FRAS1: variants seen among roughly 807,000 people sequenced by gnomAD.
The protein encoded by FRAS1 is extracellular matrix organizing protein FRAS1.
Under a neutral mutation model 435.2 loss-of-function variants are expected in FRAS1, and 290 were observed. That is an observed-to-expected ratio of 0.67 (90% confidence interval 0.61 to 0.73). FRAS1 has a LOEUF of 0.73. FRAS1 is among the 30% of genes least tolerant of loss of function. FRAS1 has a pLI of 0.00. For synonymous variants in FRAS1, 1,800 were observed against 1,851.0 expected, an observed-to-expected ratio of 0.97 and a Z score of 0.71; for missense variants, 4,860 against 5,001.5, an observed-to-expected ratio of 0.97 and a Z score of 0.85.
intron 14 of FRAS1, among the ~76,000 whole-genome samples, chr4:78,290,683 C>G (rs541335632): frequency 1.1e-4 from 17 of 152,102 alleles, no homozygotes; most frequent in South Asian, 4.1e-4. Flanking sequence ...CTCCTGACCT[C>G]AAGTGATCTG....
intron 47 of FRAS1, among the ~76,000 whole-genome samples, chr4:78,461,207 G>A (rs1719359962): frequency 6.6e-6 from 1 of 152,168 alleles, no homozygotes; most frequent in South Asian, 2.1e-4. Context: ...GTAAGTCTAT[G>A]AATGATTTTT....
At chr4:78,428,588 G>T (rs1734086758) in intron 35 of FRAS1, among the ~76,000 whole-genome samples, 1 of 152,204 alleles carries the variant, frequency 6.6e-6, no homozygotes, top group Admixed American at 6.5e-5. Context: ...CTCCCAGAGT[G>T]CTGGGATTAC....
At chr4:78,247,297 A>G (rs1725289000) in intron 4 of FRAS1, among the ~76,000 whole-genome samples, 1 of 152,142 alleles carries the variant, frequency 6.6e-6, no homozygotes, top group South Asian at 2.1e-4. Context: ...TTGCTTTTCC[A>G]TATGTGTCTT....
chr4:78,129,107 G>A (rs186567124), intron 2 of FRAS1, among the ~76,000 whole-genome samples: 179 of 152,190 alleles, frequency 1.2e-3, no homozygotes, highest in Middle Eastern at 6.8e-3. Flanking sequence ...CTATTCCATC[G>A]GTCTATATCT....
intron 29 of FRAS1, among the ~76,000 whole-genome samples, chr4:78,394,128 T>C (rs1266788357): frequency 6.6e-6 from 1 of 151,942 alleles, no homozygotes; most frequent in Non-Finnish European, 1.5e-5. Flanking sequence ...TATGAGATAT[T>C]GGTTTTGCAA....
chr4:78,067,828 G>A (rs886756098), intron 2 of FRAS1, among the ~76,000 whole-genome samples: 1 of 149,646 alleles, frequency 6.7e-6, no homozygotes, highest in Admixed American at 6.7e-5. Flanking sequence ...CAAGTAGATG[G>A]GACTACAGCT....
At chr4:78,400,942 T>C in intron 30 of FRAS1, 55 bp downstream of exon 30, 1 of 1,567,522 alleles carries the variant, frequency 6.4e-7, no homozygotes. Context: ...AGTCTAGGGT[T>C]TGCTACTGTA....
At position 78,057,796 on chromosome 4, in the gene FRAS1, T is replaced by C; in HGVS notation, c.-214T>C. 1 of 560,580 alleles carries C rather than the reference T, an allele frequency of 1.8e-6. No homozygotes were observed. The highest frequency in any genetic ancestry group is 2.5e-5 in the South Asian group (1 of 39,768). The allele number at this position is 560,580 out of a possible 1,614,324, so 34.7% of individuals were successfully genotyped here. ...GGGGGAACTCGGCGCGCTCTCTGCC[T>C]GAGCAGCGAGTGAATTGAACCCCAG... On this transcript the variant is annotated 5_prime_UTR_variant, in exon 1 of 74. Transcript: ENST00000512123. The surrounding 1 kb of genome is among the most constrained non-coding windows in gnomAD (Gnocchi z 4.2).
At chr4:78,142,275 A>G (rs185993864) in intron 2 of FRAS1, among the ~76,000 whole-genome samples, 1 of 152,186 alleles carries the variant, frequency 6.6e-6, no homozygotes, top group Admixed American at 6.5e-5. Context: ...CTGAGCTATC[A>G]GTTAGGTCAA....
intron 3 of FRAS1, among the ~76,000 whole-genome samples, chr4:78,242,573 T>C (rs1278878068): frequency 6.6e-6 from 1 of 152,184 alleles, no homozygotes; most frequent in East Asian, 1.9e-4. Context: ...GTAGCTGGGA[T>C]TACAGGCATG....
chr4:78,399,092 T>G (rs183456265), intron 29 of FRAS1, among the ~76,000 whole-genome samples: 159 of 152,298 alleles, frequency 1.0e-3, no homozygotes, highest in African/African-American at 3.7e-3. Context: ...TTTTTACACG[T>G]TTTTGATGTT....
rs762411504 is a variant in FRAS1, at chr4:78,499,814, G to C, written c.9209G>C (p.Arg3070Thr). ...ATTCTGAACATCAAGGTGATCCGCA[G>C]AGGGGATCAGAACAGGACCTCCAAG... ...IAILNIKVIR[R>T]GDQNRTSKVR... Residue 3070 changes from arginine to threonine, a missense_variant, in exon 61 of 74, where the codon AGA becomes ACA. Arg to Thr is a moderately conservative substitution (Grantham distance 71, BLOSUM62 -1). Coordinates refer to ENST00000512123, the MANE Select transcript of FRAS1 (RefSeq NM_025074.7). The C allele has an allele frequency of 6.2e-7, 1 of 1,613,916 alleles. No individual in the cohort carries two copies. The highest frequency in any genetic ancestry group is 8.5e-7 in the Non-Finnish European group (1 of 1,179,802).
At chr4:78,223,316 T>A (rs1724133335) in intron 2 of FRAS1, among the ~76,000 whole-genome samples, 1 of 152,188 alleles carries the variant, frequency 6.6e-6, no homozygotes, top group Non-Finnish European at 1.5e-5. Flanking sequence ...TTGTGGCCCA[T>A]CATGCCAGGG....
chr4:78,280,713 T>C (rs1727292570), intron 10 of FRAS1, among the ~76,000 whole-genome samples: 1 of 152,160 alleles, frequency 6.6e-6, no homozygotes, highest in African/African-American at 2.4e-5. Flanking sequence ...TGCTGTGTAC[T>C]GTAATCTTCG....
chr4:78,357,918 A>AT (rs1035724188), intron 20 of FRAS1, among the ~76,000 whole-genome samples: 21 of 151,864 alleles, frequency 1.4e-4, no homozygotes, highest in South Asian at 4.2e-4. Flanking sequence ...AAAAAAGACA[A>AT]TTTTTTTTCT....
intron 2 of FRAS1, among the ~76,000 whole-genome samples, chr4:78,115,877 G>A (rs185505732): frequency 2.0e-5 from 3 of 151,680 alleles, no homozygotes; most frequent in Non-Finnish European, 4.4e-5. Flanking sequence ...GCTAGCTTTT[G>A]AGTGTATTTT....
At chr4:78,326,489 C>T (rs1729722043) in intron 18 of FRAS1, among the ~76,000 whole-genome samples, 1 of 152,078 alleles carries the variant, frequency 6.6e-6, no homozygotes, top group Admixed American at 6.6e-5. Context: ...AAGTTTTGGA[C>T]TGATGTCCAC....
intron 1 of FRAS1, among the ~76,000 whole-genome samples, chr4:78,065,444 C>T (rs1035893286): frequency 9.9e-5 from 15 of 151,916 alleles, no homozygotes; most frequent in African/African-American, 3.6e-4. Flanking sequence ...ATGCTAGGAG[C>T]TCAGAGGAGC....
Position 78,523,428 on chromosome 4 carries a change from G to C in FRAS1, c.10808+620G>C, listed in dbSNP as rs116482249. Among the ~76,000 whole-genome samples the C allele has an allele frequency of 8.8e-3, 1,332 of 152,140 alleles. 24 individuals carry two copies. Among genetic ancestry groups the C allele is most frequent in the African/African-American group, 0.031 (1,274 of 41,504 alleles). ...TTATTCCTCTCCCAGACCCAATATAGAGGTAGAATAGGAATTTAACAACTA... is the reference window on the plus strand; with the variant it reads ...TTATTCCTCTCCCAGACCCAATATACAGGTAGAATAGGAATTTAACAACTA... On this transcript the variant is annotated intron_variant, in intron 69 of 73. Transcript: ENST00000512123.
Sources: allele counts gnomAD v4.1 joint callset (sites outside exome capture counted in the v4.1 genomes callset), GRCh38; gene constraint gnomAD v4.1.1; non-coding constraint Gnocchi (gnomAD v3.1); transcripts MANE v1.5; gene names NCBI Gene and HGNC (gene_info 2026-07-23, HGNC 2026-07-21).